Variants in ERO1A observed in about 807,000 individuals in gnomAD.
ERO1A encodes the protein ERO1-like protein alpha.
ERO1A carries 49 observed loss-of-function variants against 76.9 expected under a neutral mutation model. The ratio of observed to expected loss-of-function variants is 0.64; its 90% CI spans 0.51 to 0.81. The LOEUF (loss-of-function observed/expected upper bound fraction) is 0.81, where lower values mean the gene tolerates loss of function less well. ERO1A is among the 30% of genes least tolerant of loss of function. The probability of loss-of-function intolerance (pLI) is 0.00; values close to 1 mark genes in which losing one functional copy is unlikely to be tolerated. For synonymous variants in ERO1A, 174 were observed against 181.2 expected (o/e 0.96, Z 0.32); for missense variants, 448 against 542.1 (o/e 0.83, Z 1.72).
At chr14:52,665,457 A>G (rs1329079262) in intron 7 of ERO1A, among the ~76,000 whole-genome samples, 2 of 151,996 alleles carry the variant, frequency 1.3e-5, no homozygotes, top group African/African-American at 4.8e-5. Flanking sequence ...GTCAAAAAAA[A>G]AAACACCACA....
At chr14:52,674,761 G>A (rs2040724435) in intron 4 of ERO1A, among the ~76,000 whole-genome samples, 1 of 152,188 alleles carries the variant, frequency 6.6e-6, no homozygotes, top group African/African-American at 2.4e-5. Context: ...AGGAAACTTT[G>A]CAGGATAATG....
rs1171009893 is a variant in ERO1A, at chr14:52,642,400, C to T, written c.*1170G>A. 6.6e-6 allele frequency: 1 copy of T among 151,916 alleles called. No individual in the cohort carries two copies. The highest frequency in any genetic ancestry group is 1.5e-5 in the Non-Finnish European group (1 of 67,998). The allele number at this position is 151,916 out of a possible 1,614,324, so 9.4% of individuals were successfully genotyped here. On this transcript the variant is annotated 3_prime_UTR_variant, in exon 16 of 16. Coordinates refer to ENST00000395686, the MANE Select transcript of ERO1A (RefSeq NM_014584.3). ...AATTTTAATAAAATAAATAGCCTAC[C>T]CTATTACTATACACATCAAGCATAA... is the stretch of plus-strand genomic sequence containing the variant.
In ERO1A at chr14:52,652,982, G is replaced by A; in HGVS notation, c.1055+87C>T. ...TGCACTCCAGCCTGGGCAACAGAGGGAGAGCCTGTCTCAAAAAAAAAAAAA... is the reference window on the plus strand; with the variant it reads ...TGCACTCCAGCCTGGGCAACAGAGGAAGAGCCTGTCTCAAAAAAAAAAAAA... On this transcript the variant is annotated intron_variant, in intron 12 of 15. Coordinates refer to ENST00000395686, the MANE Select transcript of ERO1A (RefSeq NM_014584.3). 4 of 902,828 alleles carry A rather than the reference G, an allele frequency of 4.4e-6. No individual in the cohort carries two copies. The South Asian group carries it at 5.4e-5, about 12-fold the overall frequency. The allele number at this position is 902,828 out of a possible 1,614,324, so 55.9% of individuals were successfully genotyped here. A position where few individuals can be genotyped will look rare whatever the true frequency, so the allele number is the denominator to read the frequency against.
chr14:52,693,458 G>A lies in ERO1A; in HGVS notation c.114+1910C>T, dbSNP rs147423618. The stretch of plus-strand genomic sequence containing the variant: ...CCTCAGCCTGCAGACAGCCTATTGC[G>A]GGACCTTGTGATCATGTGAATTAAT... On this transcript the variant is annotated intron_variant, in intron 1 of 15. Coordinates refer to ENST00000395686, the MANE Select transcript of ERO1A (RefSeq NM_014584.3). Among the ~76,000 whole-genome samples, 277 of 152,112 alleles carry A rather than the reference G, an allele frequency of 1.8e-3. 1 individual carries two copies. The highest frequency in any genetic ancestry group is 5.4e-3 in the African/African-American group (226 of 41,486).
At chr14:52,644,395 G>A (rs994804745) in intron 15 of ERO1A, among the ~76,000 whole-genome samples, 2 of 152,110 alleles carry the variant, frequency 1.3e-5, no homozygotes, top group Non-Finnish European at 2.9e-5. Flanking sequence ...AGAGGTTTCC[G>A]TAAACTGAGA....
intron 1 of ERO1A, among the ~76,000 whole-genome samples, 185 bp downstream of exon 1, chr14:52,695,183 C>T (rs1454311295): frequency 6.6e-6 from 1 of 152,164 alleles, no homozygotes; most frequent in Non-Finnish European, 1.5e-5. Flanking sequence ...TCCAGGCTGC[C>T]GTGGAGGCCC....
intron 6 of ERO1A, among the ~76,000 whole-genome samples, chr14:52,668,949 GA>G (rs1388793840): frequency 6.6e-6 from 1 of 151,760 alleles, no homozygotes; most frequent in East Asian, 1.9e-4. Context: ...TAAAATCTAA[GA>G]AAAGACATTT....
At chr14:52,688,108 C>G (rs1336650057) in intron 1 of ERO1A, among the ~76,000 whole-genome samples, 2 of 151,934 alleles carry the variant, frequency 1.3e-5, no homozygotes, top group Admixed American at 1.3e-4. Flanking sequence ...ATCGCTTGAG[C>G]CAGGGAGGTT....
intron 9 of ERO1A, 27 bp downstream of exon 9, chr14:52,661,266 A>G: frequency 1.0e-6 from 1 of 980,766 alleles, no homozygotes; most frequent in South Asian, 2.1e-5. Context: ...AAATTCATAT[A>G]TGTAATATAT....
intron 13 of ERO1A, among the ~76,000 whole-genome samples, chr14:52,650,526 A>G (rs1168152913): frequency 6.6e-6 from 1 of 151,792 alleles, no homozygotes; most frequent in Non-Finnish European, 1.5e-5. Flanking sequence ...ATTACTCTAC[A>G]AAGATTCTGT....
intron 9 of ERO1A, among the ~76,000 whole-genome samples, chr14:52,660,473 T>A (rs1273090411): frequency 6.6e-6 from 1 of 152,234 alleles, no homozygotes; most frequent in Non-Finnish European, 1.5e-5. Context: ...ATATGAGGCA[T>A]CTTTGGAAAA....
At chr14:52,682,302 T>G (rs1379308381) in intron 3 of ERO1A, 23 bp downstream of exon 3, 2 of 1,504,654 alleles carry the variant, frequency 1.3e-6, no homozygotes, top group Non-Finnish European at 1.8e-6. Flanking sequence ...GTAACAGTTT[T>G]TAAATGTATA....
At chr14:52,692,544 G>T (rs2041387676) in intron 1 of ERO1A, among the ~76,000 whole-genome samples, 1 of 152,186 alleles carries the variant, frequency 6.6e-6, no homozygotes, top group South Asian at 2.1e-4. Flanking sequence ...AACCAGAGAA[G>T]ATTTTAACTT....
intron 11 of ERO1A, among the ~76,000 whole-genome samples, chr14:52,656,258 C>T (rs2040041239): frequency 6.6e-6 from 1 of 151,944 alleles, no homozygotes; most frequent in African/African-American, 2.4e-5. Context: ...TTGTGTCTGG[C>T]TCATTTTGAC....
chr14:52,677,444 C>T (rs902529655), intron 4 of ERO1A, among the ~76,000 whole-genome samples: 4 of 152,084 alleles, frequency 2.6e-5, no homozygotes, highest in Admixed American at 6.5e-5. Context: ...TCAAAAACAC[C>T]TTATCAGAAA....
chr14:52,682,236 C>CA (rs1010102513), intron 3 of ERO1A, 89 bp downstream of exon 3: 369 of 1,056,012 alleles, frequency 3.5e-4, no homozygotes, highest in Non-Finnish European at 3.9e-4. Flanking sequence ...TCTATTTTTT[C>CA]AAAAAAAAAT....
chr14:52,669,109 T>TAA (rs2040511809), intron 6 of ERO1A, among the ~76,000 whole-genome samples: 1 of 152,168 alleles, frequency 6.6e-6, no homozygotes, highest in South Asian at 2.1e-4. Context: ...ATTAGGATTT[T>TAA]AAAAATACTT....
chr14:52,682,508 G>A (rs2041032193), intron 2 of ERO1A, 100 bp from the exon 3 acceptor site: 2 of 804,148 alleles, frequency 2.5e-6, no homozygotes, highest in Non-Finnish European at 2.0e-6. Flanking sequence ...ATGTTATCAG[G>A]TGCAAATACA....
intron 4 of ERO1A, 44 bp downstream of exon 4, chr14:52,678,390 T>G: frequency 7.7e-6 from 12 of 1,561,834 alleles, no homozygotes; most frequent in Non-Finnish European, 9.6e-6. Flanking sequence ...TTTTTCAAGT[T>G]TTTCATTAAG....
Sources: gnomAD v4.1 joint callset for allele counts (sites outside exome capture counted in the v4.1 genomes callset) on GRCh38, gnomAD v4.1.1 for gene constraint, MANE v1.5 for transcripts, NCBI Gene and HGNC (gene_info 2026-07-23, HGNC 2026-07-21) for gene names.